Variants in KCNAB2 observed in about 807,000 individuals in gnomAD.
KCNAB2 encodes the protein voltage-gated potassium channel subunit beta-2.
A neutral mutation model predicts 63.6 loss-of-function variants in KCNAB2; 29 were observed. The observed-to-expected ratio is 0.46, with a 90% CI of 0.34 to 0.62. The LOEUF (loss-of-function observed/expected upper bound fraction) is 0.62, where lower values mean the gene tolerates loss of function less well. KCNAB2 is among the 20% of genes least tolerant of loss of function. The probability of loss-of-function intolerance (pLI) is 0.01; values close to 1 mark genes in which losing one functional copy is unlikely to be tolerated. For missense variants in KCNAB2, 359 were observed against 563.9 expected, an observed-to-expected ratio of 0.64 and a Z score of 3.68; for synonymous variants, 222 against 224.2, an observed-to-expected ratio of 0.99 and a Z score of 0.09.
chr1:6,056,851 C>T (rs778089556), intron 2 of KCNAB2, among the ~76,000 whole-genome samples: 2 of 152,016 alleles, frequency 1.3e-5, no homozygotes, highest in Non-Finnish European at 2.9e-5. Flanking sequence ...AAGCTTGGTC[C>T]CCAAAGAGAC....
rs1368601739 is a variant in KCNAB2, at chr1:6,069,396, A to G, written c.219-3359A>G. ...CCGGCCCTTCCCAAGTCTGAAGTGC[A>G]GTTTTTAGGGGTGTGCAGCAGCCGG... On this transcript the variant is annotated intron_variant, in intron 2 of 15. Transcript: ENST00000378083. This position sits in a 1 kb window ranked among gnomAD's most constrained non-coding sequence, Gnocchi z 5.4. Among the ~76,000 whole-genome samples, 1 of 152,076 alleles carries G rather than the reference A, an allele frequency of 6.6e-6. No homozygotes were observed. The highest frequency in any genetic ancestry group is 2.4e-5 in the African/African-American group (1 of 41,420).
chr1:6,055,727 G>A (rs1183101704), intron 2 of KCNAB2, among the ~76,000 whole-genome samples: 2 of 152,144 alleles, frequency 1.3e-5, no homozygotes, highest in Non-Finnish European at 2.9e-5. Flanking sequence ...GGTGGGGCGG[G>A]GAGGGTGGTG....
chr1:6,022,774 CA>C (rs1658920945), intron 1 of KCNAB2, among the ~76,000 whole-genome samples: 1 of 151,992 alleles, frequency 6.6e-6, no homozygotes, highest in Admixed American at 6.6e-5. Context: ...TTTCACCTAG[CA>C]GAATGTTCTC....
chr1:6,056,797 C>T (rs185502725), intron 2 of KCNAB2, among the ~76,000 whole-genome samples: 1 of 152,330 alleles, frequency 6.6e-6, no homozygotes, highest in Admixed American at 6.5e-5. Context: ...TTCCTGGAGG[C>T]TGCCTCCCCA....
At chr1:6,011,578 C>A (rs1658151973) in intron 1 of KCNAB2, among the ~76,000 whole-genome samples, 2 of 152,200 alleles carry the variant, frequency 1.3e-5, no homozygotes, top group Non-Finnish European at 2.9e-5. Flanking sequence ...GGATGCCGAG[C>A]TGAGGCACTT....
intron 11 of KCNAB2, among the ~76,000 whole-genome samples, chr1:6,094,948 C>T (rs997886007): frequency 1.3e-5 from 2 of 152,216 alleles, no homozygotes; most frequent in Non-Finnish European, 1.5e-5. Context: ...CAATCCTCAC[C>T]GGTGCCTTTA....
Position 6,005,946 on chromosome 1 carries a change from AGCTCAGCTCCTAC to A in KCNAB2, c.-53+13159_-53+13171del, listed in dbSNP as rs1557923428. Among the ~76,000 whole-genome samples the A allele has an allele frequency of 4.8e-4, 23 of 47,840 alleles. 2 individuals carry two copies. Among genetic ancestry groups the A allele is most frequent in the East Asian group, 7.5e-4 (1 of 1,332 alleles). 31.4% of individuals were successfully genotyped at this position (47,840 alleles called of 152,430 possible). On this transcript the variant is annotated intron_variant, in intron 1 of 16. Coordinates refer to the KCNAB2 transcript ENST00000341524. The stretch of plus-strand genomic sequence containing the variant: ...TCCCCCCACTCCACCCTCACCCCTC[AGCTCAGCTCCTAC>A]ATTTCCCACTCCACCCTCACCCCTC...
rs546929515 is a variant in KCNAB2, at chr1:6,078,477, A to C, written c.301-3718A>C. On this transcript the variant is annotated intron_variant, in intron 4 of 15. Transcript: ENST00000378083. This position sits in a 1 kb window ranked among gnomAD's most constrained non-coding sequence, Gnocchi z 4.2. ...GGGTCCTGACGACAGGGTGGTCAGGAAGCAGAAGCGAGCAAGGACGCCACG... is the reference window on the plus strand; with the variant it reads ...GGGTCCTGACGACAGGGTGGTCAGGCAGCAGAAGCGAGCAAGGACGCCACG... 6.6e-6 allele frequency among the ~76,000 whole-genome samples: 1 copy of C among 152,242 alleles called. No individual in the cohort carries two copies. Among genetic ancestry groups the C allele is most frequent in the Non-Finnish European group, 1.5e-5 (1 of 68,016 alleles).
At chr1:6,011,226 A>G (rs908223553) in intron 1 of KCNAB2, among the ~76,000 whole-genome samples, 4 of 152,114 alleles carry the variant, frequency 2.6e-5, no homozygotes, top group Admixed American at 6.5e-5. Flanking sequence ...ACAGGCAGGC[A>G]GCTGTGCCCA....
chr1:5,999,508 C>T (rs554364905), intron 1 of KCNAB2, among the ~76,000 whole-genome samples: 104 of 152,272 alleles, frequency 6.8e-4, no homozygotes, highest in African/African-American at 2.3e-3. Context: ...AAGGGCTTTG[C>T]GGGGGTTTCT....
At chr1:6,045,132 T>A (rs995869544), upstream of KCNAB2, among the ~76,000 whole-genome samples, 1 of 152,150 alleles carries the variant, frequency 6.6e-6, no homozygotes, top group African/African-American at 2.4e-5. The surrounding 1 kb of genome is among the most constrained non-coding windows in gnomAD (Gnocchi z 4.8). Context: ...GCCTCCCACT[T>A]CATTTACCTT....
upstream of KCNAB2, among the ~76,000 whole-genome samples, chr1:6,030,999 G>A (rs1201661740): frequency 6.6e-6 from 1 of 151,964 alleles, no homozygotes; most frequent in East Asian, 1.9e-4. Flanking sequence ...TGGGAGAAGT[G>A]AGGCATTGGG....
intron 1 of KCNAB2, among the ~76,000 whole-genome samples, chr1:6,020,911 C>T (rs1436454031): frequency 2.0e-5 from 3 of 152,140 alleles, no homozygotes; most frequent in African/African-American, 4.8e-5. Flanking sequence ...CTGCCCGCCT[C>T]GGCCTCCCAA....
chr1:6,073,948 G>A lies in KCNAB2; in HGVS notation c.300+178G>A. On this transcript the variant is annotated intron_variant, in intron 4 of 15. Coordinates refer to ENST00000378083, the MANE Select transcript of KCNAB2 (RefSeq NM_001199862.2). The surrounding 1 kb of genome is among the most constrained non-coding windows in gnomAD (Gnocchi z 5.7). Reference sequence around the variant, plus strand: ...AGGGGAGAGTAGAAAGGTGAGCCAGGTGGCCATGGCCAGAGGGGATGCCGA... The same window carrying A: ...AGGGGAGAGTAGAAAGGTGAGCCAGATGGCCATGGCCAGAGGGGATGCCGA... 6.3e-6 allele frequency: 4 copies of A among 637,142 alleles called. No individual in the cohort carries two copies. In the South Asian group the frequency reaches 7.3e-5, roughly 12 times the overall value. The allele number at this position is 637,142 out of a possible 1,614,324, so 39.5% of individuals were successfully genotyped here.
chr1:5,993,007 C>T (rs566323281), intron 1 of KCNAB2, among the ~76,000 whole-genome samples: 1 of 151,876 alleles, frequency 6.6e-6, no homozygotes, highest in Non-Finnish European at 1.5e-5. Context: ...CCCTTTCTGT[C>T]TTTCCTTCCC....
At chr1:6,041,484 G>T (rs188915913), upstream of KCNAB2, 2 of 308,174 alleles carry the variant, frequency 6.5e-6, no homozygotes, top group East Asian at 1.6e-4. Context: ...TTCAGCCATT[G>T]CCCACAAGCA....
At chr1:6,013,688 C>T (rs936804585) in intron 1 of KCNAB2, among the ~76,000 whole-genome samples, 12 of 152,276 alleles carry the variant, frequency 7.9e-5, no homozygotes, top group Middle Eastern at 3.4e-3. Flanking sequence ...GAAGACCCTG[C>T]GGTCTCAGCC....
rs538408159 is a variant in KCNAB2, at chr1:6,003,418, C to T, written c.-53+10630C>T. 6.6e-6 allele frequency among the ~76,000 whole-genome samples: 1 copy of T among 152,342 alleles called. No homozygotes were observed. Among genetic ancestry groups the T allele is most frequent in the South Asian group, 2.1e-4 (1 of 4,816 alleles). ...ACTCGCTCGCTCGGCTGCCTTCAGC[C>T]CCTGCAGACACGCAGGCACCGTCCA... is the stretch of plus-strand genomic sequence containing the variant. On this transcript the variant is annotated intron_variant, in intron 1 of 16. Coordinates refer to the KCNAB2 transcript ENST00000341524. This position sits in a 1 kb window ranked among gnomAD's most constrained non-coding sequence, Gnocchi z 4.1.
In KCNAB2 at chr1:6,087,564, C is replaced by T. The variant is rs572906809; in HGVS notation, c.470+53C>T. 2.5e-5 allele frequency: 40 copies of T among 1,591,484 alleles called. No homozygotes were observed. The highest frequency in any genetic ancestry group is 6.7e-5 in the Admixed American group (4 of 59,974). ...AGCCCCGGCCCAGCAGCCACGGCCC[C>T]GTGCTCCCCAGAGACCCCTGACCTA... is the stretch of plus-strand genomic sequence containing the variant. On this transcript the variant is annotated intron_variant, in intron 7 of 15. Coordinates refer to ENST00000378083, the MANE Select transcript of KCNAB2 (RefSeq NM_001199862.2). The surrounding 1 kb of genome is among the most constrained non-coding windows in gnomAD (Gnocchi z 6.4).
Sources: gnomAD v4.1 joint callset for allele counts (sites outside exome capture counted in the v4.1 genomes callset) on GRCh38, gnomAD v4.1.1 for gene constraint, Gnocchi (gnomAD v3.1) non-coding constraint, MANE v1.5 for transcripts, NCBI Gene and HGNC (gene_info 2026-07-23, HGNC 2026-07-21) for gene names.